HEXB: variants seen among roughly 807,000 people sequenced by gnomAD.
The protein encoded by HEXB is hexosaminidase subunit beta, also known as beta-hexosaminidase subunit beta.
Under a neutral mutation model 71.2 loss-of-function variants are expected in HEXB, and 51 were observed. That is an observed-to-expected ratio of 0.72 (90% CI 0.57 to 0.90). HEXB has a LOEUF of 0.90. Among genes scored for constraint, HEXB ranks in the 40% least tolerant of loss-of-function variants. The pLI is 0.00. For synonymous variants in HEXB, 266 were observed against 249.3 expected (o/e 1.07, Z -0.63); for missense variants, 617 against 677.0 (o/e 0.91, Z 0.98).
chr5:74,688,094 C>G (rs944499951), intron 1 of HEXB, among the ~76,000 whole-genome samples: 2 of 151,828 alleles, frequency 1.3e-5, no homozygotes, highest in African/African-American at 4.8e-5. Flanking sequence ...TTATTTAATG[C>G]CTTTACATAA....
chr5:74,701,890 A>G (rs1239022566), intron 5 of HEXB, among the ~76,000 whole-genome samples: 2 of 152,086 alleles, frequency 1.3e-5, no homozygotes, highest in Non-Finnish European at 2.9e-5. Flanking sequence ...ACTTCAGTAC[A>G]ACCATCAAAA....
chr5:74,646,569 C>CTTT (rs1356916050), intron 1 of HEXB, among the ~76,000 whole-genome samples: 26 of 139,780 alleles, frequency 1.9e-4, no homozygotes, highest in African/African-American at 6.8e-4. Flanking sequence ...ACAATTCATT[C>CTTT]TTTTTTTTTT....
At chr5:74,704,320 G>C (rs1422185345) in intron 5 of HEXB, among the ~76,000 whole-genome samples, 1 of 152,124 alleles carries the variant, frequency 6.6e-6, no homozygotes, top group Non-Finnish European at 1.5e-5. Context: ...TTGATGAAGA[G>C]GGAGTCTTTA....
chr5:74,682,449 A>T (rs945830253), upstream of HEXB, among the ~76,000 whole-genome samples: 1 of 152,246 alleles, frequency 6.6e-6, no homozygotes, highest in Non-Finnish European at 1.5e-5. Context: ...ACTTCATGAG[A>T]TAATCTAATC....
In HEXB at chr5:74,685,245, A is replaced by C; in HGVS notation, c.-16A>C. The C allele has an allele frequency of 6.7e-7, 1 of 1,495,486 alleles. No individual in the cohort carries two copies. Among genetic ancestry groups the C allele is most frequent in the Non-Finnish European group, 8.9e-7 (1 of 1,129,736 alleles). The allele number at this position is 1,495,486 out of a possible 1,614,324, so 92.6% of individuals were successfully genotyped here. A position where few individuals can be genotyped will look rare whatever the true frequency, so the allele number is the denominator to read the frequency against. On this transcript the variant is annotated 5_prime_UTR_variant, in exon 1 of 14. Coordinates refer to ENST00000261416, the MANE Select transcript of HEXB (RefSeq NM_000521.4). ...GCTCCGGCTCGGCAGACCGGGCGGA[A>C]AGCAGCCGAGCGGCCATGGAGCTGT...
At chr5:74,665,911 C>A (rs1317352533) in intron 1 of HEXB, among the ~76,000 whole-genome samples, 1 of 152,046 alleles carries the variant, frequency 6.6e-6, no homozygotes, top group African/African-American at 2.4e-5. Context: ...CTCTGGGGAG[C>A]TATGAAAATA....
rs140509633 is a variant in HEXB at position 74,685,536 on chromosome 5, C to A, written c.276C>A (p.Thr92=). ...ATTCCACGGCGGGCCCCTCCTGCAC[C>A]CTGCTGGAGGAAGCGTTTCGACGGT... is the stretch of plus-strand genomic sequence containing the variant. The part of the protein sequence containing the change: ...SPNSTAGPSC[T]LLEEAFRRYH... Residue 92 remains threonine (T), a synonymous_variant, in exon 1 of 14, where the codon ACC becomes ACA. Coordinates refer to ENST00000261416, the MANE Select transcript of HEXB (RefSeq NM_000521.4). 2.9e-5 allele frequency: 46 copies of A among 1,572,060 alleles called. 1 individual carries two copies. Among genetic ancestry groups the A allele is most frequent in the Admixed American group, 9.7e-5 (5 of 51,288 alleles).
Position 74,649,255 on chromosome 5 carries a change from G to A in HEXB, c.-377+8697G>A, listed in dbSNP as rs547239282. Reference sequence around the variant, plus strand: ...CTGGGTCATGTATTTTCTCAGCAGAGACTGAGCAATTTCCAACTAGCCAAC... The same window carrying A: ...CTGGGTCATGTATTTTCTCAGCAGAAACTGAGCAATTTCCAACTAGCCAAC... On this transcript the variant is annotated intron_variant, in intron 1 of 13. Coordinates refer to the HEXB transcript ENST00000511181. Among the ~76,000 whole-genome samples, 14 of 152,284 alleles carry A rather than the reference G, an allele frequency of 9.2e-5. No homozygotes were observed. In the South Asian group the frequency reaches 2.9e-3, roughly 32 times the overall value.
intron 4 of HEXB, 108 bp downstream of exon 4, chr5:74,696,847 T>C (rs1365662617): frequency 7.8e-6 from 6 of 767,654 alleles, no homozygotes; most frequent in African/African-American, 5.2e-5. Context: ...TCCCCAGATA[T>C]TTGTCTTAGC....
rs182172162 is a variant in HEXB at position 74,664,448 on chromosome 5, A to C, written c.-377+23890A>C. Among the ~76,000 whole-genome samples, 71 of 126,606 alleles carry C rather than the reference A, an allele frequency of 5.6e-4. 1 individual carries two copies. Among genetic ancestry groups the C allele is most frequent in the South Asian group, 4.1e-3 (16 of 3,934 alleles). 83.1% of individuals were successfully genotyped at this position (126,606 alleles called of 152,430 possible). ...CTATCTCTAAAAAAAAAAAAAAAAA[A>C]AAAAACAGAGAGAGAGAGAATACTG... is the stretch of plus-strand genomic sequence containing the variant. On this transcript the variant is annotated intron_variant, in intron 1 of 13. Transcript: ENST00000511181.
intron 1 of HEXB, among the ~76,000 whole-genome samples, chr5:74,654,818 G>A (rs1331328939): frequency 6.6e-6 from 1 of 152,196 alleles, no homozygotes; most frequent in East Asian, 1.9e-4. Context: ...GCCAGGGGCA[G>A]CTGTGAATTG....
chr5:74,716,621 C>T lies in HEXB; in HGVS notation c.1117C>T (p.Gln373Ter). The change falls in exon 9 of 14, where the codon CAA becomes TAA. Residue 373 changes from glutamine to a stop codon, truncating the protein, a stop_gained. Transcript: ENST00000261416. LOFTEE classifies it high-confidence loss of function. ...SNPKIQDFMRQKGFGTDFKKL... is the reference protein window; with the variant it reads ...SNPKIQDFMR ...TCCAAAAATTCAAGATTTCATGAGGCAAAAAGGCTTTGGCACAGATTTTAA... is the reference window on the plus strand; with the variant it reads ...TCCAAAAATTCAAGATTTCATGAGGTAAAAAGGCTTTGGCACAGATTTTAA... The T allele has an allele frequency of 6.2e-7, 1 of 1,609,516 alleles. No homozygotes were observed. The highest frequency in any genetic ancestry group is 1.3e-5 in the African/African-American group (1 of 74,874).
At chr5:74,681,699 G>A (rs4460123), upstream of HEXB, among the ~76,000 whole-genome samples, 25,058 of 152,154 alleles carry the variant, frequency 0.16, 2,189 homozygotes, top group East Asian at 0.24. Context: ...CTTGGTGAAT[G>A]TAACTCCAAA....
chr5:74,720,088 C>A, intron 11 of HEXB: 1 of 318,640 alleles, frequency 3.1e-6, no homozygotes, highest in Non-Finnish European at 6.0e-6. Context: ...AATAGGCAAC[C>A]AGGGATTTAA....
intron 1 of HEXB, among the ~76,000 whole-genome samples, chr5:74,663,191 T>TGGTG (rs1554033020): frequency 7.6e-6 from 1 of 131,576 alleles, no homozygotes; most frequent in African/African-American, 2.7e-5. Flanking sequence ...TCCTTTTTTT[T>TGGTG]GGGGGGGTGG....
chr5:74,648,856 G>C (rs181952920), intron 1 of HEXB, among the ~76,000 whole-genome samples: 29 of 152,134 alleles, frequency 1.9e-4, no homozygotes, highest in South Asian at 4.2e-4. Context: ...TGTGTTTCTT[G>C]TGCTAGTCAC....
chr5:74,679,454 C>T (rs1302238417), intron 1 of HEXB, among the ~76,000 whole-genome samples: 1 of 150,974 alleles, frequency 6.6e-6, no homozygotes, highest in Non-Finnish European at 1.5e-5. Flanking sequence ...AGGAGATTGC[C>T]AGCTAGTGTT....
intron 1 of HEXB, among the ~76,000 whole-genome samples, chr5:74,673,679 G>T (rs1197623134): frequency 6.6e-6 from 1 of 152,228 alleles, no homozygotes; most frequent in African/African-American, 2.4e-5. Context: ...GAATTCAGAA[G>T]TGAGTTAGGT....
chr5:74,714,279 G>A (rs1373151914), intron 7 of HEXB, among the ~76,000 whole-genome samples: 1 of 152,168 alleles, frequency 6.6e-6, no homozygotes, highest in Non-Finnish European at 1.5e-5. Context: ...TAGCTACTCT[G>A]TGTCTATTGT....
Sources: allele counts gnomAD v4.1 joint callset (sites outside exome capture counted in the v4.1 genomes callset), GRCh38; gene constraint gnomAD v4.1.1; transcripts MANE v1.5; gene names NCBI Gene and HGNC (gene_info 2026-07-23, HGNC 2026-07-21).